The following TMTC2 variants were observed in gnomAD, a reference collection of about 807,000 sequenced individuals.
TMTC2 encodes transmembrane O-mannosyltransferase targeting cadherins 2, also known as protein O-mannosyl-transferase TMTC2.
In TMTC2, 43 loss-of-function variants were observed where a neutral mutation model predicts 82.4. That is an observed-to-expected ratio of 0.52 (90% CI 0.41 to 0.67). TMTC2 has a LOEUF of 0.67. Ranked by LOEUF, TMTC2 falls within the 30% of genes least tolerant of loss-of-function variation. TMTC2 has a pLI of 0.00. For missense variants in TMTC2, 919 were observed against 1,012.4 expected (o/e 0.91, Z 1.25); for synonymous variants, 408 against 381.9 (o/e 1.07, Z -0.80).
intron 3 of TMTC2, among the ~76,000 whole-genome samples, chr12:82,918,352 G>A (rs938190876): frequency 2.0e-5 from 3 of 152,224 alleles, no homozygotes; most frequent in East Asian, 3.9e-4. Flanking sequence ...CCTCATGGAA[G>A]TAACACTTTG....
At position 82,687,371 on chromosome 12, in the gene TMTC2, C is replaced by A; in HGVS notation, c.-216C>A. 1 of 589,734 alleles carries A rather than the reference C, an allele frequency of 1.7e-6. No individual in the cohort carries two copies. The allele number at this position is 589,734 out of a possible 1,614,324, so 36.5% of individuals were successfully genotyped here. On this transcript the variant is annotated 5_prime_UTR_variant, in exon 1 of 12. Transcript: ENST00000321196. ...CGGGCATGGGGAGTGTGGTGTGAGC[C>A]CGCACCCGGGGAGGACGCAGGAGCT... is the stretch of plus-strand genomic sequence containing the variant.
At chr12:82,717,329 A>G (rs1873950809) in intron 1 of TMTC2, among the ~76,000 whole-genome samples, 3 of 151,234 alleles carry the variant, frequency 2.0e-5, no homozygotes. Flanking sequence ...GGTTCAAGCG[A>G]TTCTCCTGCC....
intron 1 of TMTC2, among the ~76,000 whole-genome samples, chr12:82,761,939 CTTCT>C (rs1876664830): frequency 1.7e-5 from 2 of 116,440 alleles, no homozygotes; most frequent in African/African-American, 3.3e-5. Context: ...TTCTTCCTTC[CTTCT>C]TTCTTTCCTT....
Position 83,098,342 on chromosome 12 carries a change from C to T in TMTC2, c.2332-33868C>T, listed in dbSNP as rs183998038. ...CCTTCACTGTCAATCAGCAGTTCAT[C>T]AAATTCTATCAGATAAACAAAACAA... On this transcript the variant is annotated intron_variant, in intron 11 of 11. Coordinates refer to ENST00000321196, the MANE Select transcript of TMTC2 (RefSeq NM_152588.3). 3.3e-5 allele frequency among the ~76,000 whole-genome samples: 5 copies of T among 152,320 alleles called. No homozygotes were observed. In the East Asian group the frequency reaches 7.7e-4, roughly 24 times the overall value.
chr12:82,890,175 T>C (rs1385848213), intron 2 of TMTC2, among the ~76,000 whole-genome samples: 1 of 152,192 alleles, frequency 6.6e-6, no homozygotes, highest in Admixed American at 6.5e-5. Flanking sequence ...TATTAACTCA[T>C]GAGATTGAGT....
intron 11 of TMTC2, among the ~76,000 whole-genome samples, chr12:83,089,847 C>CAAAAAAAA (rs200273951): frequency 4.1e-4 from 55 of 135,698 alleles, no homozygotes; most frequent in East Asian, 8.2e-4. Context: ...AAACAAAAAA[C>CAAAAAAAA]AAAAAAAAAA....
intron 8 of TMTC2, among the ~76,000 whole-genome samples, chr12:82,999,091 C>G (rs1037945630): frequency 6.6e-6 from 1 of 152,044 alleles, no homozygotes; most frequent in East Asian, 1.9e-4. Context: ...TTCAGTTTTT[C>G]CTTCATGTCC....
Position 83,132,405 on chromosome 12 carries a change from C to T in TMTC2, c.*16C>T. ...TAAGACCTGACACAGGAGGCAGAAG[C>T]CCATCCTCCTCCATTTTTAAAAGCT... On this transcript the variant is annotated 3_prime_UTR_variant, in exon 12 of 12. Transcript: ENST00000321196. 1 of 1,610,740 alleles carries T rather than the reference C, an allele frequency of 6.2e-7. No individual in the cohort carries two copies. The highest frequency in any genetic ancestry group is 8.5e-7 in the Non-Finnish European group (1 of 1,178,984).
At chr12:82,859,287 C>A (rs1433974847) in intron 2 of TMTC2, among the ~76,000 whole-genome samples, 1 of 152,052 alleles carries the variant, frequency 6.6e-6, no homozygotes, top group Non-Finnish European at 1.5e-5. Flanking sequence ...AGGATGGTCT[C>A]GATCTCTTGA....
intron 11 of TMTC2, among the ~76,000 whole-genome samples, chr12:83,086,739 C>T (rs1456546987): frequency 6.6e-6 from 1 of 152,072 alleles, no homozygotes; most frequent in East Asian, 1.9e-4. Flanking sequence ...GTTCAATAAA[C>T]ATGATGTTTA....
chr12:83,047,828 AAT>A, intron 9 of TMTC2, among the ~76,000 whole-genome samples: 1 of 152,352 alleles, frequency 6.6e-6, no homozygotes, highest in African/African-American at 2.4e-5. Flanking sequence ...TGATGATAAA[AAT>A]AGTTAATTTG....
At chr12:82,931,943 A>G (rs1028070458) in intron 4 of TMTC2, among the ~76,000 whole-genome samples, 1 of 152,166 alleles carries the variant, frequency 6.6e-6, no homozygotes, top group African/African-American at 2.4e-5. Flanking sequence ...CAGCACCTCC[A>G]GAGTTGGAAT....
chr12:82,866,132 G>A (rs1462883468), intron 2 of TMTC2, among the ~76,000 whole-genome samples: 2 of 149,894 alleles, frequency 1.3e-5, no homozygotes, highest in Non-Finnish European at 2.9e-5. Flanking sequence ...ACATTCAAAA[G>A]CTAGCAGAAG....
chr12:82,948,375 A>ACAAC (rs1555200159), intron 4 of TMTC2, among the ~76,000 whole-genome samples: 4 of 150,646 alleles, frequency 2.7e-5, no homozygotes, highest in Non-Finnish European at 1.5e-5. Context: ...AATTTAAACA[A>ACAAC]AAAAAAAAAA....
chr12:82,934,042 G>A (rs1202868121), intron 4 of TMTC2, among the ~76,000 whole-genome samples: 1 of 152,008 alleles, frequency 6.6e-6, no homozygotes, highest in East Asian at 1.9e-4. Context: ...AATTACCTCT[G>A]TGTGCTAAAT....
chr12:82,941,332 C>T (rs1293049278), intron 4 of TMTC2, among the ~76,000 whole-genome samples: 1 of 152,084 alleles, frequency 6.6e-6, no homozygotes, highest in Non-Finnish European at 1.5e-5. Flanking sequence ...TACCATTTTC[C>T]CCTAGCACTG....
intron 4 of TMTC2, among the ~76,000 whole-genome samples, chr12:82,944,280 A>G (rs1167981709): frequency 6.6e-6 from 1 of 151,958 alleles, no homozygotes; most frequent in Non-Finnish European, 1.5e-5. Flanking sequence ...ATTTAAGGAG[A>G]TCGATAGAAA....
intron 1 of TMTC2, among the ~76,000 whole-genome samples, chr12:82,705,490 A>G (rs1224104363): frequency 6.6e-6 from 1 of 152,250 alleles, no homozygotes. Context: ...TAATGGAAGG[A>G]AAGGAAAAGT....
intron 2 of TMTC2, among the ~76,000 whole-genome samples, chr12:82,894,339 G>A (rs1873548281): frequency 6.6e-6 from 1 of 152,158 alleles, no homozygotes; most frequent in Admixed American, 6.5e-5. Context: ...TTAGTTCTGT[G>A]GCTTCCAGCA....
Sources: gnomAD v4.1 joint callset for allele counts (sites outside exome capture counted in the v4.1 genomes callset) on GRCh38, gnomAD v4.1.1 for gene constraint, MANE v1.5 for transcripts, NCBI Gene and HGNC (gene_info 2026-07-23, HGNC 2026-07-21) for gene names.